SLC25A44: variants seen among roughly 807,000 people sequenced by gnomAD.
SLC25A44 encodes solute carrier family 25, member 44.
In SLC25A44, 17 loss-of-function variants were observed where a neutral mutation model predicts 29.9. That is an observed-to-expected ratio of 0.57 (90% CI 0.39 to 0.85). SLC25A44 has a LOEUF of 0.85. Among genes scored for constraint, SLC25A44 ranks in the 40% least tolerant of loss-of-function variants. SLC25A44 has a pLI of 0.00. For missense variants in SLC25A44, 302 were observed against 398.4 expected, an observed-to-expected ratio of 0.76 and a Z score of 2.06; for synonymous variants, 140 against 151.8, an observed-to-expected ratio of 0.92 and a Z score of 0.57.
chr1:156,203,565 A>C (rs1423071549), intron 2 of SLC25A44, among the ~76,000 whole-genome samples: 2 of 152,214 alleles, frequency 1.3e-5, no homozygotes, highest in Non-Finnish European at 2.9e-5. Context: ...TGGGACTTAA[A>C]CCAAGTCAGC....
chr1:156,202,337 G>A (rs183217023), intron 2 of SLC25A44, among the ~76,000 whole-genome samples: 3 of 152,198 alleles, frequency 2.0e-5, no homozygotes, highest in South Asian at 4.2e-4. Context: ...TTCAACTTGC[G>A]TTGTCATGTT....
chr1:156,196,297 C>G (rs896878556), intron 1 of SLC25A44: 1 of 152,162 alleles, frequency 6.6e-6, no homozygotes, highest in Non-Finnish European at 1.5e-5. Flanking sequence ...GCAGCCTGCC[C>G]CTTTTGAAGG....
At chr1:156,202,077 T>C (rs1219273108) in intron 2 of SLC25A44, among the ~76,000 whole-genome samples, 1 of 152,242 alleles carries the variant, frequency 6.6e-6, no homozygotes, top group Non-Finnish European at 1.5e-5. Flanking sequence ...GTCAGTGGCC[T>C]TGTTATTCTT....
chr1:156,209,238 TC>T (rs1427080479), intron 3 of SLC25A44, among the ~76,000 whole-genome samples: 3 of 152,074 alleles, frequency 2.0e-5, no homozygotes, highest in Non-Finnish European at 4.4e-5. Context: ...TAGGAGGAGA[TC>T]CAAGGGAAAG....
intron 1 of SLC25A44, chr1:156,196,079 T>C (rs961639424): frequency 6.6e-6 from 1 of 152,184 alleles, no homozygotes; most frequent in African/African-American, 2.4e-5. Context: ...AAATCCGGAA[T>C]TGGAGCCATG....
At chr1:156,195,304 C>T (rs1656141198) in intron 1 of SLC25A44, among the ~76,000 whole-genome samples, 1 of 151,984 alleles carries the variant, frequency 6.6e-6, no homozygotes, top group Admixed American at 6.6e-5. Flanking sequence ...GGGGTTTCAC[C>T]GTGTTAGCCA....
rs1289898025 is a variant in SLC25A44 at position 156,207,999 on chromosome 1, C to A, written c.739C>A (p.Arg247=). The A allele has an allele frequency of 1.2e-6, 2 of 1,614,094 alleles. No homozygotes were observed. The highest frequency in any genetic ancestry group is 1.7e-6 in the Non-Finnish European group (2 of 1,179,980). ...SILTNPMDVI[R]TRVQVEGKNS... ...CCTCACCAATCCCATGGATGTCATA[C>A]GAACCCGTGTGCAGGTAAGACTGAC... Residue 247 remains arginine, a synonymous_variant, in exon 3 of 4, where the codon CGA becomes AGA. Transcript: ENST00000359511.
rs895279196 is a variant in SLC25A44, at chr1:156,200,225, C to T, written c.378C>T (p.Ile126=). Residue 126 remains isoleucine (I), a synonymous_variant, in exon 2 of 4, where the codon ATC becomes ATT. Coordinates refer to ENST00000359511, the MANE Select transcript of SLC25A44 (RefSeq NM_014655.4). ...GGSASLVAQS[I]TVPIDVVSQH... The stretch of plus-strand genomic sequence containing the variant: ...CAGCCTCCCTTGTGGCCCAGAGCAT[C>T]ACAGTGCCCATTGATGTAGTCTCCC... 2 of 1,614,188 alleles carry T rather than the reference C, an allele frequency of 1.2e-6. No individual in the cohort carries two copies. Among genetic ancestry groups the T allele is most frequent in the Non-Finnish European group, 1.7e-6 (2 of 1,180,044 alleles).
At position 156,210,419 on chromosome 1, in the gene SLC25A44, G is replaced by A. The variant is rs371403751; in HGVS notation, c.933G>A (p.Ser311=). The A allele has an allele frequency of 3.2e-6, 5 of 1,579,772 alleles. No individual in the cohort carries two copies. The highest frequency in any genetic ancestry group is 4.3e-6 in the Non-Finnish European group (5 of 1,163,930). ...GCCTCCGACCTGAGCTGGTGGACTC[G>A]AGACACTGGTAACCAGTGGTGGGGA... ...KLSLRPELVD[S]RHW is the part of the protein sequence containing the mutation. The change falls in exon 4 of 4, where the codon TCG becomes TCA. Residue 311 remains serine (S), a synonymous_variant. Coordinates refer to ENST00000359511, the MANE Select transcript of SLC25A44 (RefSeq NM_014655.4).
At chr1:156,203,699 C>CTTTTTTT (rs56890643) in intron 2 of SLC25A44, among the ~76,000 whole-genome samples, 23 of 106,814 alleles carry the variant, frequency 2.2e-4, no homozygotes, top group Admixed American at 3.9e-4. Context: ...ATTCTCTTTC[C>CTTTTTTT]TTTTTTTTTT....
intron 1 of SLC25A44, chr1:156,196,362 A>C (rs749301364): frequency 3.9e-5 from 6 of 152,160 alleles, no homozygotes; most frequent in Admixed American, 1.3e-4. Flanking sequence ...TTATCCCTCT[A>C]AGGCATGACC....
rs924929829 is a variant in SLC25A44 at position 156,200,096 on chromosome 1, C to T, written c.249C>T (p.Thr83=). The part of the protein sequence containing the change: ...LYRGFLVNTF[T]LISGQCYVTT... ...GAGGGTTCCTGGTCAATACCTTCAC[C>T]CTCATCTCTGGCCAGTGTTATGTCA... Residue 83 remains threonine, a synonymous_variant, in exon 2 of 4, where the codon ACC becomes ACT. Coordinates refer to ENST00000359511, the MANE Select transcript of SLC25A44 (RefSeq NM_014655.4). The T allele has an allele frequency of 3.1e-6, 5 of 1,614,054 alleles. No homozygotes were observed. Among genetic ancestry groups the T allele is most frequent in the Non-Finnish European group, 8.5e-7 (1 of 1,180,048 alleles).
chr1:156,212,792 C>T lies in SLC25A44; in HGVS notation c.*2361C>T. The stretch of plus-strand genomic sequence containing the variant: ...TGTAATTAAAAGTTTTTATTGAGCC[C>T]CCGAGCTTTGGCTTGCGCGTATTTT... On this transcript the variant is annotated 3_prime_UTR_variant, in exon 4 of 4. Transcript: ENST00000359511. 1 of 642,360 alleles carries T rather than the reference C, an allele frequency of 1.6e-6. No homozygotes were observed. The highest frequency in any genetic ancestry group is 2.0e-5 in the South Asian group (1 of 49,442). The allele number at this position is 642,360 out of a possible 1,614,324, so 39.8% of individuals were successfully genotyped here. A position where few individuals can be genotyped will look rare whatever the true frequency, so the allele number is the denominator to read the frequency against.
rs148758024 is a variant in SLC25A44, at chr1:156,210,425, C to T, written c.939C>T (p.His313=). ...GACCTGAGCTGGTGGACTCGAGACA[C>T]TGGTAACCAGTGGTGGGGAGAGAAG... ...SLRPELVDSR[H]W Residue 313 remains histidine, a synonymous_variant, in exon 4 of 4, where the codon CAC becomes CAT. Coordinates refer to ENST00000359511, the MANE Select transcript of SLC25A44 (RefSeq NM_014655.4). 5 of 1,574,796 alleles carry T rather than the reference C, an allele frequency of 3.2e-6. No individual in the cohort carries two copies. Among genetic ancestry groups the T allele is most frequent in the African/African-American group, 1.4e-5 (1 of 73,360 alleles).
intron 1 of SLC25A44, chr1:156,196,780 C>T (rs997935139): frequency 6.6e-6 from 1 of 152,260 alleles, no homozygotes; most frequent in Non-Finnish European, 1.5e-5. Flanking sequence ...TGCAAGAAGT[C>T]TCTGGGCATC....
At position 156,210,652 on chromosome 1, in the gene SLC25A44, G is replaced by T; in HGVS notation, c.*221G>T. The T allele has an allele frequency of 2.8e-6, 1 of 358,972 alleles. No homozygotes were observed. Among genetic ancestry groups the T allele is most frequent in the Non-Finnish European group, 5.0e-6 (1 of 198,666 alleles). The allele number at this position is 358,972 out of a possible 1,614,324, so 22.2% of individuals were successfully genotyped here. A position where few individuals can be genotyped will look rare whatever the true frequency, so the allele number is the denominator to read the frequency against. On this transcript the variant is annotated 3_prime_UTR_variant, in exon 4 of 4. Transcript: ENST00000359511. ...ACTATTTAAAATTCTCTTCTGAGCT[G>T]GGCTCCCTCACTCAGTCCCTGTATT...
At chr1:156,201,703 T>C (rs1327970217) in intron 2 of SLC25A44, among the ~76,000 whole-genome samples, 1 of 151,946 alleles carries the variant, frequency 6.6e-6, no homozygotes, top group Non-Finnish European at 1.5e-5. Flanking sequence ...TTCTTCTTTT[T>C]TTGCTAGCTC....
At chr1:156,195,094 C>G (rs2540183) in intron 1 of SLC25A44, among the ~76,000 whole-genome samples, 44,746 of 151,126 alleles carry the variant, frequency 0.3, 6,789 homozygotes, top group Non-Finnish European at 0.33. Flanking sequence ...ATGAGTTGTA[C>G]TACAGCTCTA....
intron 1 of SLC25A44, chr1:156,199,539 AGG>A: frequency 5.3e-6 from 2 of 380,682 alleles, no homozygotes; most frequent in Admixed American, 4.4e-5. Flanking sequence ...AAGCTGGGGT[AGG>A]GAGCCGAGGA....
Sources: allele counts gnomAD v4.1 joint callset (sites outside exome capture counted in the v4.1 genomes callset), GRCh38; gene constraint gnomAD v4.1.1; transcripts MANE v1.5; gene names NCBI Gene and HGNC (gene_info 2026-07-23, HGNC 2026-07-21).